Variants in KAZN observed in about 807,000 individuals in gnomAD.
The protein encoded by KAZN is kazrin, periplakin interacting protein.
Under a neutral mutation model 87.4 loss-of-function variants are expected in KAZN, and 40 were observed. That is an observed-to-expected ratio of 0.46 (90% confidence interval 0.36 to 0.60). The LOEUF is 0.60. Ranked by LOEUF, KAZN falls within the 20% of genes least tolerant of loss-of-function variation. The pLI is 0.00. For missense variants in KAZN, 898 were observed against 1,073.9 expected (o/e 0.84, Z 2.29); for synonymous variants, 466 against 458.3 (o/e 1.02, Z -0.22).
chr1:14,194,570 G>A (rs1335457686), intron 2 of KAZN, among the ~76,000 whole-genome samples: 5 of 152,168 alleles, frequency 3.3e-5, no homozygotes, highest in Non-Finnish European at 7.3e-5. Context: ...TCCTTGGGGA[G>A]GCAGTCTGTA....
At chr1:14,051,764 CG>C (rs1642339722) in intron 1 of KAZN, among the ~76,000 whole-genome samples, 1 of 152,024 alleles carries the variant, frequency 6.6e-6, no homozygotes, top group Non-Finnish European at 1.5e-5. Context: ...GGCTTGAACC[CG>C]GGAGGCGGAG....
chr1:14,143,070 G>T (rs1399576105), intron 1 of KAZN, among the ~76,000 whole-genome samples: 1 of 152,128 alleles, frequency 6.6e-6, no homozygotes, highest in Non-Finnish European at 1.5e-5. Flanking sequence ...GGCCAGCATA[G>T]GTTCCAAGAC....
intron 2 of KAZN, among the ~76,000 whole-genome samples, chr1:14,492,575 C>T (rs1669706056): frequency 1.0e-5 from 1 of 95,248 alleles, no homozygotes; most frequent in Non-Finnish European, 2.3e-5. Context: ...AGGACTGCTG[C>T]CCTTTCTGAT....
chr1:14,940,396 A>T (rs1242401481), intron 1 of KAZN, among the ~76,000 whole-genome samples: 1 of 152,202 alleles, frequency 6.6e-6, no homozygotes, highest in Non-Finnish European at 1.5e-5. Flanking sequence ...TGTGCCCTAC[A>T]CTTGAGGATC....
chr1:13,969,630 T>C (rs1180780464), intron 1 of KAZN, among the ~76,000 whole-genome samples: 1 of 152,122 alleles, frequency 6.6e-6, no homozygotes, highest in Non-Finnish European at 1.5e-5. Context: ...TTGCATTTCT[T>C]GCACTGGCTG....
At chr1:14,060,590 C>A (rs1642757196) in intron 1 of KAZN, among the ~76,000 whole-genome samples, 1 of 152,104 alleles carries the variant, frequency 6.6e-6, no homozygotes, top group African/African-American at 2.4e-5. Context: ...GGACAATGTC[C>A]CCTGACTTCT....
At chr1:14,796,886 A>G (rs1231812901) in intron 1 of KAZN, among the ~76,000 whole-genome samples, 1 of 152,236 alleles carries the variant, frequency 6.6e-6, no homozygotes, top group Non-Finnish European at 1.5e-5. Flanking sequence ...GGAAGACCTG[A>G]GTCCACTCAG....
intron 2 of KAZN, among the ~76,000 whole-genome samples, chr1:14,351,236 T>G (rs1400807958): frequency 6.6e-6 from 1 of 152,192 alleles, no homozygotes; most frequent in Admixed American, 6.5e-5. Flanking sequence ...GGAAACTGCT[T>G]TTCTCGCTTC....
chr1:14,244,462 G>A (rs1649303998), intron 2 of KAZN, among the ~76,000 whole-genome samples: 1 of 152,192 alleles, frequency 6.6e-6, no homozygotes, highest in South Asian at 2.1e-4. Context: ...TCATTTGAGT[G>A]ATGTTTTCCA....
At chr1:14,848,311 A>G (rs1649015293) in intron 1 of KAZN, among the ~76,000 whole-genome samples, 1 of 152,190 alleles carries the variant, frequency 6.6e-6, no homozygotes, top group African/African-American at 2.4e-5. Flanking sequence ...GCCAGAGTTA[A>G]GGAGACTCAG....
At chr1:14,941,836 T>C (rs1661118036) in intron 1 of KAZN, among the ~76,000 whole-genome samples, 1 of 152,190 alleles carries the variant, frequency 6.6e-6, no homozygotes, top group African/African-American at 2.4e-5. Flanking sequence ...TTGTCTGGCT[T>C]CCTGGGTTTG....
chr1:15,046,611 C>T (rs945053514), intron 4 of KAZN, among the ~76,000 whole-genome samples: 4 of 152,172 alleles, frequency 2.6e-5, no homozygotes, highest in Admixed American at 6.5e-5. Flanking sequence ...GATTCCTGGA[C>T]GTGGTAAAAC....
At chr1:14,527,113 T>C (rs1032084931) in intron 2 of KAZN, among the ~76,000 whole-genome samples, 2 of 152,338 alleles carry the variant, frequency 1.3e-5, no homozygotes, top group South Asian at 4.1e-4. Context: ...TGGACTTGTT[T>C]AAGCTCATCT....
intron 1 of KAZN, among the ~76,000 whole-genome samples, chr1:14,609,386 G>A (rs1229331489): frequency 2.6e-5 from 4 of 152,172 alleles, no homozygotes; most frequent in Non-Finnish European, 4.4e-5. Context: ...TGTAGAGAAG[G>A]ATCATGATCT....
chr1:14,508,960 G>T (rs1670759616), intron 2 of KAZN, among the ~76,000 whole-genome samples: 1 of 152,226 alleles, frequency 6.6e-6, no homozygotes, highest in Non-Finnish European at 1.5e-5. Context: ...AGAAAGCAGA[G>T]ACCACAGCAC....
chr1:14,130,422 T>A (rs1202573158), intron 1 of KAZN, among the ~76,000 whole-genome samples: 1 of 152,216 alleles, frequency 6.6e-6, no homozygotes, highest in Non-Finnish European at 1.5e-5. Context: ...CTGATTTTTT[T>A]ATTATTAAAA....
chr1:14,882,537 A>G (rs1297150240), intron 1 of KAZN, among the ~76,000 whole-genome samples: 1 of 152,094 alleles, frequency 6.6e-6, no homozygotes, highest in African/African-American at 2.4e-5. Flanking sequence ...TTGATAAAGG[A>G]GGGCTTCTGT....
At position 14,484,688 on chromosome 1, in the gene KAZN, C is replaced by T. The variant is rs550819019; in HGVS notation, c.250-114295C>T. Among the ~76,000 whole-genome samples, 24 of 152,310 alleles carry T rather than the reference C, an allele frequency of 1.6e-4. No homozygotes were observed. The East Asian group carries it at 3.5e-3, about 22-fold the overall frequency. On this transcript the variant is annotated intron_variant, in intron 2 of 16. Transcript: ENST00000636203. ...TCATCCAAGACTCGGCTCCGCAAGG[C>T]GCATTCACATGGCTGCGGTCAGCTG...
chr1:14,527,032 G>A (rs1671906051), intron 2 of KAZN, among the ~76,000 whole-genome samples: 1 of 152,144 alleles, frequency 6.6e-6, no homozygotes, highest in South Asian at 2.1e-4. Context: ...TTGTGGACCA[G>A]TACCTATTAT....
Sources: allele counts gnomAD v4.1 joint callset (sites outside exome capture counted in the v4.1 genomes callset), GRCh38; gene constraint gnomAD v4.1.1; transcripts MANE v1.5; gene names NCBI Gene and HGNC (gene_info 2026-07-23, HGNC 2026-07-21).